The following PDZD2 variants were observed in gnomAD, a reference collection of about 807,000 sequenced individuals.
PDZD2 encodes PDZ domain-containing protein 2.
Under a neutral mutation model 220.7 loss-of-function variants are expected in PDZD2, and 90 were observed. The ratio of observed to expected loss-of-function variants is 0.41; its 90% CI spans 0.34 to 0.49. The LOEUF (loss-of-function observed/expected upper bound fraction) is 0.49, where lower values mean the gene tolerates loss of function less well. Ranked by LOEUF, PDZD2 falls within the 20% of genes least tolerant of loss-of-function variation. The probability of loss-of-function intolerance (pLI) is 0.28; values close to 1 mark genes in which losing one functional copy is unlikely to be tolerated. For synonymous variants in PDZD2, 1,375 were observed against 1,450.5 expected (o/e 0.95, Z 1.18); for missense variants, 3,174 against 3,608.5 (o/e 0.88, Z 3.08).
chr5:32,042,488 A>C (rs577247073), intron 7 of PDZD2, among the ~76,000 whole-genome samples: 44 of 152,006 alleles, frequency 2.9e-4, no homozygotes, highest in African/African-American at 1.0e-3. Flanking sequence ...CAGGAGAATC[A>C]CTTGAACCCA....
At chr5:31,814,379 CA>C (rs1429253781) in intron 2 of PDZD2, among the ~76,000 whole-genome samples, 1 of 152,132 alleles carries the variant, frequency 6.6e-6, no homozygotes, top group Non-Finnish European at 1.5e-5. Flanking sequence ...AACATGTACC[CA>C]AGGTAGGTAG....
intron 2 of PDZD2, among the ~76,000 whole-genome samples, chr5:31,869,336 G>A (rs2330778): frequency 0.43 from 64,827 of 151,912 alleles, 14,038 homozygotes; most frequent in African/African-American, 0.5. Context: ...TGTGACGTGT[G>A]TTCATCAGCA....
chr5:31,962,514 C>T lies in PDZD2; in HGVS notation c.477-20641C>T, dbSNP rs554774316. On this transcript the variant is annotated intron_variant, in intron 2 of 24. Coordinates refer to ENST00000438447, the MANE Select transcript of PDZD2 (RefSeq NM_178140.4). ...GTGTGAAGTGTTAATAGCAAGAACC[C>T]CGTGGTTGAGTGGTGCTCTGCCCTT... is the stretch of plus-strand genomic sequence containing the variant. 3.8e-4 allele frequency among the ~76,000 whole-genome samples: 58 copies of T among 152,224 alleles called. 1 individual carries two copies. The highest frequency in any genetic ancestry group is 1.4e-3 in the African/African-American group (57 of 41,540).
intron 2 of PDZD2, among the ~76,000 whole-genome samples, chr5:31,849,905 C>CACAT (rs1757840264): frequency 4.5e-5 from 1 of 22,068 alleles, no homozygotes; most frequent in Non-Finnish European, 7.6e-5. Context: ...TATATATATA[C>CACAT]ATATATATAT....
intron 2 of PDZD2, chr5:31,822,948 G>A: frequency 9.5e-7 from 1 of 1,053,578 alleles, no homozygotes; most frequent in South Asian, 1.2e-5. Context: ...GCTCCTTTCT[G>A]TTACCCCACC....
chr5:31,812,151 C>G (rs1755159729), intron 2 of PDZD2, among the ~76,000 whole-genome samples: 1 of 152,162 alleles, frequency 6.6e-6, no homozygotes, highest in Non-Finnish European at 1.5e-5. Context: ...AAGTCCTCAT[C>G]TGAACCAGTG....
At position 31,983,521 on chromosome 5, in the gene PDZD2, A is replaced by G. The variant is rs1163004045; in HGVS notation, c.843A>G (p.Leu281=). The G allele has an allele frequency of 6.2e-7, 1 of 1,614,062 alleles. No individual in the cohort carries two copies. Among genetic ancestry groups the G allele is most frequent in the African/African-American group, 1.3e-5 (1 of 74,912 alleles). The part of the protein sequence containing the change: ...DSLKEVAGPH[L]ERSEVDRGTE... ...TCAAGGAGGTGGCTGGACCCCATCT[A>G]GAGAGGTCAGAAGTGGACAGAGGGA... is the stretch of plus-strand genomic sequence containing the variant. The change falls in exon 3 of 25, where the codon CTA becomes CTG. Residue 281 remains leucine (L), a synonymous_variant. Transcript: ENST00000438447.
chr5:31,642,303 G>A (rs758888817), intron 1 of PDZD2, among the ~76,000 whole-genome samples: 1 of 152,156 alleles, frequency 6.6e-6, no homozygotes, highest in Non-Finnish European at 1.5e-5. Context: ...GGATGCTGAG[G>A]TCAGAGTTGA....
At chr5:31,849,971 T>C (rs1300355829) in intron 2 of PDZD2, among the ~76,000 whole-genome samples, 3 of 32,724 alleles carry the variant, frequency 9.2e-5, no homozygotes, top group African/African-American at 7.3e-4. Flanking sequence ...TACACATATA[T>C]ATATATACAT....
intron 2 of PDZD2, among the ~76,000 whole-genome samples, chr5:31,825,530 A>G (rs1580833144): frequency 6.6e-6 from 1 of 152,238 alleles, no homozygotes; most frequent in South Asian, 2.1e-4. Context: ...GTGGGTGACA[A>G]ATCAGACAGT....
At chr5:31,788,548 C>A (rs1753518585) in intron 1 of PDZD2, among the ~76,000 whole-genome samples, 1 of 151,984 alleles carries the variant, frequency 6.6e-6, no homozygotes. Context: ...GCCTGTAGTC[C>A]CAGCTGCTCG....
chr5:31,976,745 T>A (rs1330262608), intron 2 of PDZD2, among the ~76,000 whole-genome samples: 5 of 138,134 alleles, frequency 3.6e-5, no homozygotes, highest in African/African-American at 1.3e-4. Flanking sequence ...TGTGACAGAG[T>A]CTCCCTCGGT....
chr5:31,761,415 G>A (rs939851618), intron 1 of PDZD2, among the ~76,000 whole-genome samples: 2 of 145,796 alleles, frequency 1.4e-5, no homozygotes, highest in Non-Finnish European at 3.0e-5. Flanking sequence ...GGGGGATAAA[G>A]GAAAAGGAGA....
At chr5:31,939,904 G>A (rs1375020026) in intron 2 of PDZD2, among the ~76,000 whole-genome samples, 5 of 152,172 alleles carry the variant, frequency 3.3e-5, no homozygotes, top group African/African-American at 7.2e-5. Context: ...CTAGAGGAGA[G>A]GAACAGCCAG....
intron 24 of PDZD2, among the ~76,000 whole-genome samples, chr5:32,102,260 T>TC (rs1744320928): frequency 6.6e-6 from 1 of 152,022 alleles, no homozygotes; most frequent in Non-Finnish European, 1.5e-5. Context: ...CACTGCAGGC[T>TC]GGGGCCCACC....
chr5:31,869,406 T>C (rs753836305), intron 2 of PDZD2, among the ~76,000 whole-genome samples: 2 of 151,988 alleles, frequency 1.3e-5, no homozygotes, highest in African/African-American at 2.4e-5. Flanking sequence ...ATTGGCTGCA[T>C]ACAAAAATTA....
At chr5:31,984,950 T>G (rs1440569752) in intron 3 of PDZD2, among the ~76,000 whole-genome samples, 1 of 152,172 alleles carries the variant, frequency 6.6e-6, no homozygotes, top group African/African-American at 2.4e-5. Context: ...CAATAGCCCC[T>G]CTCTCAAGAG....
intron 1 of PDZD2, among the ~76,000 whole-genome samples, chr5:31,686,625 C>A (rs1381459845): frequency 6.6e-6 from 1 of 152,112 alleles, no homozygotes; most frequent in Non-Finnish European, 1.5e-5. Context: ...CCTCGGCCTC[C>A]CAAAGTGCTG....
At chr5:31,706,316 C>T (rs949760464) in intron 1 of PDZD2, among the ~76,000 whole-genome samples, 4 of 152,036 alleles carry the variant, frequency 2.6e-5, no homozygotes, top group African/African-American at 9.7e-5. Context: ...CCTCAGTTTA[C>T]GAATAAGGAA....
Sources: gnomAD v4.1 joint callset for allele counts (sites outside exome capture counted in the v4.1 genomes callset) on GRCh38, gnomAD v4.1.1 for gene constraint, MANE v1.5 for transcripts, NCBI Gene and HGNC (gene_info 2026-07-23, HGNC 2026-07-21) for gene names.